MICAL2: variants seen among roughly 807,000 people sequenced by gnomAD.
The protein encoded by MICAL2 is microtubule associated monooxygenase, calponin and LIM domain containing 2, also known as [F-actin]-monooxygenase MICAL2.
Under a neutral mutation model 127.3 loss-of-function variants are expected in MICAL2, and 77 were observed. The ratio of observed to expected loss-of-function variants is 0.60; its 90% CI spans 0.50 to 0.73. The LOEUF (loss-of-function observed/expected upper bound fraction) is 0.73. Ranked by LOEUF, MICAL2 falls within the 30% of genes least tolerant of loss-of-function variation. The pLI is 0.00. For missense variants in MICAL2, 1,351 were observed against 1,434.4 expected, an observed-to-expected ratio of 0.94 and a Z score of 0.94; for synonymous variants, 570 against 551.1, an observed-to-expected ratio of 1.03 and a Z score of -0.48.
At chr11:12,301,903 A>G (rs189065818) in intron 29 of MICAL2, among the ~76,000 whole-genome samples, 1 of 152,334 alleles carries the variant, frequency 6.6e-6, no homozygotes, top group African/African-American at 2.4e-5. Flanking sequence ...TGTAGGAGAT[A>G]CACATATGTC....
intron 29 of MICAL2, among the ~76,000 whole-genome samples, chr11:12,304,932 G>C (rs1318709734): frequency 5.3e-5 from 8 of 152,102 alleles, no homozygotes; most frequent in Non-Finnish European, 1.2e-4. Context: ...GTGACTTATG[G>C]AATGAATTCA....
chr11:12,232,074 C>T (rs1024865994), intron 15 of MICAL2, among the ~76,000 whole-genome samples: 1 of 152,186 alleles, frequency 6.6e-6, no homozygotes, highest in Non-Finnish European at 1.5e-5. Flanking sequence ...TGATCAAATG[C>T]GTGTGGCAGG....
chr11:12,321,034 C>A (rs1210491987), intron 30 of MICAL2, among the ~76,000 whole-genome samples: 1 of 152,130 alleles, frequency 6.6e-6, no homozygotes, highest in Non-Finnish European at 1.5e-5. Context: ...GCAGAGATCC[C>A]AGCATCAGCC....
downstream of MICAL2, chr11:12,294,092 G>A (rs1245331120): frequency 6.2e-7 from 1 of 1,614,140 alleles, no homozygotes; most frequent in Admixed American, 1.7e-5. Context: ...TGGTAGAGGA[G>A]GCCGTGTGCT....
At chr11:12,340,009 C>T (rs1053311226) in intron 32 of MICAL2, among the ~76,000 whole-genome samples, 4 of 152,218 alleles carry the variant, frequency 2.6e-5, no homozygotes, top group Admixed American at 6.5e-5. Context: ...TCTTCTGCGT[C>T]GCTCACGCTG....
intron 3 of MICAL2, among the ~76,000 whole-genome samples, chr11:12,200,162 A>T: frequency 6.6e-6 from 1 of 152,094 alleles, no homozygotes; most frequent in East Asian, 1.9e-4. Context: ...CCTTAGAGGA[A>T]CCCTTGGACT....
At chr11:12,216,531 G>T (rs192392516) in intron 8 of MICAL2, 1 of 577,554 alleles carries the variant, frequency 1.7e-6, no homozygotes, top group Non-Finnish European at 3.1e-6. Context: ...GCAGAGGGAC[G>T]TGTGCTGCTG....
intron 15 of MICAL2, 52 bp downstream of exon 15, chr11:12,227,183 A>G (rs1366593956): frequency 3.1e-6 from 4 of 1,290,374 alleles, no homozygotes; most frequent in African/African-American, 1.5e-5. Flanking sequence ...TGGACGGGGT[A>G]TGAGGAACGG....
At chr11:12,112,998 G>A (rs1229347972) in intron 1 of MICAL2, among the ~76,000 whole-genome samples, 2 of 152,028 alleles carry the variant, frequency 1.3e-5, no homozygotes, top group African/African-American at 2.4e-5. Flanking sequence ...AAGTATAGAG[G>A]TCTTGTCTTC....
At chr11:12,146,266 G>A (rs967363708) in intron 2 of MICAL2, among the ~76,000 whole-genome samples, 4 of 152,180 alleles carry the variant, frequency 2.6e-5, no homozygotes, top group African/African-American at 9.7e-5. Context: ...ACTACCATCA[G>A]CGTGAATAGG....
rs771363486 is a variant in MICAL2 at position 12,259,833 on chromosome 11, A to G, written c.3270A>G (p.Arg1090=). The change falls in exon 26 of 28, where the codon AGA becomes AGG. Residue 1090 remains arginine, a synonymous_variant. Coordinates refer to ENST00000683283, the MANE Select transcript of MICAL2 (RefSeq NM_001282663.2). ...ATWQEQEAPR[R]DTPTESSCAV... The stretch of plus-strand genomic sequence containing the variant: ...GGCAAGAGCAGGAAGCCCCTCGGAG[A>G]GACACTCCCACCGAAAGTTCTTGCG... The G allele has an allele frequency of 5.7e-6, 9 of 1,590,844 alleles. No individual in the cohort carries two copies. The highest frequency in any genetic ancestry group is 2.3e-5 in the South Asian group (2 of 87,666).
intron 32 of MICAL2, among the ~76,000 whole-genome samples, chr11:12,329,862 GAAAAA>G (rs59395634): frequency 0.027 from 3,341 of 121,898 alleles, 57 homozygotes; most frequent in East Asian, 0.13. Context: ...CCCCAAATAT[GAAAAA>G]AAAAAAAAAA....
intron 29 of MICAL2, among the ~76,000 whole-genome samples, chr11:12,309,090 A>G (rs766281050): frequency 2.4e-4 from 37 of 152,226 alleles, no homozygotes; most frequent in Non-Finnish European, 4.6e-4. Context: ...TTTTGGATAC[A>G]TGTGATATTT....
intron 1 of MICAL2, among the ~76,000 whole-genome samples, chr11:12,136,260 T>C (rs890924422): frequency 4.6e-5 from 7 of 152,110 alleles, no homozygotes; most frequent in Non-Finnish European, 1.5e-5. Flanking sequence ...AAATATAGTG[T>C]CAGGGAGTGA....
intron 22 of MICAL2, among the ~76,000 whole-genome samples, chr11:12,251,589 A>G (rs1861562085): frequency 6.8e-6 from 1 of 146,264 alleles, no homozygotes; most frequent in Non-Finnish European, 1.5e-5. Flanking sequence ...AAAAAAAAAA[A>G]AAAAAAAAAA....
chr11:12,259,783 T>C lies in MICAL2; in HGVS notation c.3232-12T>C. 1.3e-6 allele frequency: 2 copies of C among 1,528,564 alleles called. No individual in the cohort carries two copies. The highest frequency in any genetic ancestry group is 3.6e-4 in the Middle Eastern group (2 of 5,632). 94.7% of individuals were successfully genotyped at this position (1,528,564 alleles called of 1,614,324 possible). A position where few individuals can be genotyped will look rare whatever the true frequency, so the allele number is the denominator to read the frequency against. ...TTACAGACAAATGCCCTCATTTCCA[T>C]CTCTTTCTCAGGAGGAGGCAACATG... On this transcript the variant is annotated splice_polypyrimidine_tract_variant and intron_variant, in intron 25 of 27. Transcript: ENST00000683283.
intron 30 of MICAL2, among the ~76,000 whole-genome samples, chr11:12,323,606 C>T (rs891946474): frequency 2.0e-5 from 3 of 151,974 alleles, no homozygotes; most frequent in Admixed American, 2.0e-4. Flanking sequence ...TTCCCAGCTA[C>T]AGACCTACAC....
intron 12 of MICAL2, 106 bp from the exon 13 acceptor site, chr11:12,224,561 CTTGGGG>C: frequency 6.8e-7 from 1 of 1,461,048 alleles, no homozygotes; most frequent in Non-Finnish European, 9.3e-7. Context: ...GGCCCCTTGC[CTTGGGG>C]CCGCTCGTCC....
chr11:12,239,438 T>G lies in MICAL2; in HGVS notation c.2067T>G (p.Pro689=). 1 of 1,614,098 alleles carries G rather than the reference T, an allele frequency of 6.2e-7. No individual in the cohort carries two copies. The highest frequency in any genetic ancestry group is 8.5e-7 in the Non-Finnish European group (1 of 1,180,032). The change falls in exon 17 of 28, where the codon CCT becomes CCG. Residue 689 remains proline, a splice_region_variant and synonymous_variant. Transcript: ENST00000683283. ...GTGTCCCGTTTCAACCTTTGCAGCCTTCAAACTTTTCCAGCCGTAGCTTGG... is the reference window on the plus strand; with the variant it reads ...GTGTCCCGTTTCAACCTTTGCAGCCGTCAAACTTTTCCAGCCGTAGCTTGG... ...RRKGFTNLDE[P]SNFSSRSLGS...
Sources: gnomAD v4.1 joint callset for allele counts (sites outside exome capture counted in the v4.1 genomes callset) on GRCh38, gnomAD v4.1.1 for gene constraint, MANE v1.5 for transcripts, NCBI Gene and HGNC (gene_info 2026-07-23, HGNC 2026-07-21) for gene names.